The following PRDM2 variants were observed in gnomAD, a reference collection of about 807,000 sequenced individuals.
PRDM2 encodes PR/SET domain 2, also known as PR domain zinc finger protein 2.
PRDM2 carries 30 observed loss-of-function variants against 130.0 expected under a neutral mutation model. The observed-to-expected ratio is 0.23, with a 90% CI of 0.17 to 0.31. The LOEUF (loss-of-function observed/expected upper bound fraction) is 0.31. Among genes scored for constraint, PRDM2 ranks in the 10% least tolerant of loss-of-function variants. The probability of loss-of-function intolerance (pLI) is 1.00; values close to 1 mark genes in which losing one functional copy is unlikely to be tolerated. For missense variants in PRDM2, 2,011 were observed against 2,108.4 expected (o/e 0.95, Z 0.90); for synonymous variants, 871 against 782.4 (o/e 1.11, Z -1.89).
chr1:13,810,768 A>G (rs1269463907), intron 8 of PRDM2, among the ~76,000 whole-genome samples: 3 of 151,724 alleles, frequency 2.0e-5, no homozygotes, highest in Non-Finnish European at 4.4e-5. Flanking sequence ...CACTGGGATT[A>G]CAGGCGTGAG....
intron 8 of PRDM2, among the ~76,000 whole-genome samples, chr1:13,799,445 C>CA (rs5772551): frequency 0.21 from 26,980 of 131,152 alleles, 3,064 homozygotes; most frequent in South Asian, 0.32. Flanking sequence ...AACTCCATCT[C>CA]AAAAAAAAAA....
chr1:13,755,720 C>T (rs576368508), intron 6 of PRDM2, among the ~76,000 whole-genome samples: 3 of 151,224 alleles, frequency 2.0e-5, no homozygotes, highest in Non-Finnish European at 4.4e-5. Context: ...ATAGCTGTTA[C>T]GACATTCAAA....
At chr1:13,717,496 T>A in intron 2 of PRDM2, 1 of 886,380 alleles carries the variant, frequency 1.1e-6, no homozygotes, top group Non-Finnish European at 1.4e-6. Flanking sequence ...AAATCATTTA[T>A]TTGATATGTC....
intron 5 of PRDM2, among the ~76,000 whole-genome samples, chr1:13,743,033 C>T (rs999554862): frequency 1.3e-5 from 2 of 152,084 alleles, no homozygotes; most frequent in Admixed American, 6.5e-5. Context: ...TGTGAGGAAG[C>T]GTGGAGTGTT....
intron 1 of PRDM2, among the ~76,000 whole-genome samples, chr1:13,712,049 T>C (rs990106723): frequency 1.5e-5 from 2 of 133,954 alleles, no homozygotes; most frequent in Non-Finnish European, 3.1e-5. Flanking sequence ...ACTCCATCTC[T>C]ACCCAAAAAA....
intron 8 of PRDM2, among the ~76,000 whole-genome samples, chr1:13,797,862 C>T (rs35014868): frequency 6.6e-6 from 1 of 152,070 alleles, no homozygotes. Context: ...AGTATTATTA[C>T]TTTTTTTAAT....
chr1:13,800,585 CAGG>C, intron 8 of PRDM2, among the ~76,000 whole-genome samples: 1 of 152,272 alleles, frequency 6.6e-6, no homozygotes, highest in South Asian at 2.1e-4. Context: ...GAAGGGCTGC[CAGG>C]AGGCATATGC....
intron 1 of PRDM2, among the ~76,000 whole-genome samples, chr1:13,703,371 C>T (rs1221479246): frequency 6.6e-6 from 1 of 152,202 alleles, no homozygotes; most frequent in African/African-American, 2.4e-5. Flanking sequence ...TTCCAAATAG[C>T]ACTTGAACCG....
chr1:13,739,283 A>G lies in PRDM2; in HGVS notation c.232-2722A>G, dbSNP rs537856571. 3.3e-5 allele frequency among the ~76,000 whole-genome samples: 5 copies of G among 152,210 alleles called. No individual in the cohort carries two copies. In the East Asian group the frequency reaches 7.8e-4, roughly 24 times the overall value. On this transcript the variant is annotated intron_variant, in intron 4 of 9. Transcript: ENST00000311066. ...AGGATGGTCTCAATCTCCTGACCTCATGATTCCTCCCGTCTCGGCCTCCCA... is the reference window on the plus strand; with the variant it reads ...AGGATGGTCTCAATCTCCTGACCTCGTGATTCCTCCCGTCTCGGCCTCCCA...
At chr1:13,775,111 CTCT>C (rs1254340164) in intron 7 of PRDM2, among the ~76,000 whole-genome samples, 3 of 152,252 alleles carry the variant, frequency 2.0e-5, no homozygotes, top group African/African-American at 7.2e-5. Context: ...ACAGTTCAGA[CTCT>C]TCTTTGTGCT....
In PRDM2 at chr1:13,780,936, G is replaced by C. The variant is rs922287224; in HGVS notation, c.3141G>C (p.Gly1047=). ...VEPLMSAASP[G]PPTLSSSSSS... ...CCCTGATGTCTGCCGCCTCACCCGG[G>C]CCTCCAACACTTTCTTCTTCCTCCT... Residue 1047 remains glycine (G), a synonymous_variant, in exon 8 of 10, where the codon GGG becomes GGC. Coordinates refer to ENST00000311066, the MANE Select transcript of PRDM2 (RefSeq NM_001393986.1). The C allele has an allele frequency of 5.0e-6, 8 of 1,611,446 alleles. No individual in the cohort carries two copies. The highest frequency in any genetic ancestry group is 6.8e-6 in the Non-Finnish European group (8 of 1,178,134).
At chr1:13,769,182 A>G in intron 6 of PRDM2, 2 of 984,268 alleles carry the variant, frequency 2.0e-6, no homozygotes, top group Non-Finnish European at 2.4e-6. Context: ...TGGTAAGTGC[A>G]CTTGTGTGCT....
In PRDM2 at chr1:13,742,769, T is replaced by A. The variant is rs1643486068; in HGVS notation, c.384+612T>A. 5.9e-5 allele frequency among the ~76,000 whole-genome samples: 9 copies of A among 152,370 alleles called. No homozygotes were observed. The South Asian group carries it at 1.9e-3, about 32-fold the overall frequency. ...GGCATTAGGAACTGTCTGGCAGATTTATCCTACTGTAAGAAACTATCAGTA... is the reference window on the plus strand; with the variant it reads ...GGCATTAGGAACTGTCTGGCAGATTAATCCTACTGTAAGAAACTATCAGTA... On this transcript the variant is annotated intron_variant, in intron 5 of 9. Coordinates refer to ENST00000311066, the MANE Select transcript of PRDM2 (RefSeq NM_001393986.1).
In PRDM2 at chr1:13,749,506, GC is replaced by G; in HGVS notation, c.511+22del. 1 of 1,209,178 alleles carries G rather than the reference GC, an allele frequency of 8.3e-7. No homozygotes were observed. 74.9% of individuals were successfully genotyped at this position (1,209,178 alleles called of 1,614,324 possible). ...CGGAAAGGTAGGAGCCCCCCGGCCC[GC>G]CCGCCCGGCCCCGGCGCCACGCCCG... On this transcript the variant is annotated intron_variant, in intron 6 of 9. Coordinates refer to ENST00000311066, the MANE Select transcript of PRDM2 (RefSeq NM_001393986.1).
At chr1:13,728,074 C>A (rs1032930555) in intron 2 of PRDM2, among the ~76,000 whole-genome samples, 5 of 152,156 alleles carry the variant, frequency 3.3e-5, no homozygotes, top group Admixed American at 2.6e-4. Context: ...TCAAGAAATT[C>A]AGGCACATGT....
intron 2 of PRDM2, among the ~76,000 whole-genome samples, chr1:13,727,025 A>G (rs868170609): frequency 6.6e-6 from 1 of 152,086 alleles, no homozygotes; most frequent in South Asian, 2.1e-4. Context: ...AGTGTTTCTC[A>G]GAGACCTTAC....
At chr1:13,735,130 T>A (rs1442019797) in intron 4 of PRDM2, among the ~76,000 whole-genome samples, 1 of 152,258 alleles carries the variant, frequency 6.6e-6, no homozygotes, top group Admixed American at 6.5e-5. Flanking sequence ...AATTCCATTT[T>A]AAAGCTAATC....
chr1:13,802,296 C>T (rs910363432), intron 8 of PRDM2, among the ~76,000 whole-genome samples: 5 of 152,182 alleles, frequency 3.3e-5, no homozygotes, highest in Non-Finnish European at 4.4e-5. Context: ...GTCAGCCAGG[C>T]ACACCCAGGC....
intron 9 of PRDM2, among the ~76,000 whole-genome samples, chr1:13,819,103 CCTT>C (rs1429696712): frequency 3.9e-5 from 6 of 152,148 alleles, no homozygotes; most frequent in Admixed American, 2.6e-4. Context: ...GCTACGTGAA[CCTT>C]CTGTGTTGAT....
Sources: gnomAD v4.1 joint callset for allele counts (sites outside exome capture counted in the v4.1 genomes callset) on GRCh38, gnomAD v4.1.1 for gene constraint, MANE v1.5 for transcripts, NCBI Gene and HGNC (gene_info 2026-07-23, HGNC 2026-07-21) for gene names.